Variants in KCNQ1 observed in about 807,000 individuals in gnomAD.
KCNQ1 encodes the protein potassium voltage-gated channel subfamily Q member 1.
In KCNQ1, 49 loss-of-function variants were observed where a neutral mutation model predicts 72.4. The observed-to-expected ratio is 0.68, with a 90% confidence interval of 0.54 to 0.86. The LOEUF is 0.86. Ranked by LOEUF, KCNQ1 falls within the 40% of genes least tolerant of loss-of-function variation. KCNQ1 has a pLI of 0.00. For synonymous variants in KCNQ1, 450 were observed against 412.6 expected, an observed-to-expected ratio of 1.09 and a Z score of -1.10; for missense variants, 790 against 945.1, an observed-to-expected ratio of 0.84 and a Z score of 2.15.
intron 15 of KCNQ1, among the ~76,000 whole-genome samples, chr11:2,841,645 C>G (rs1332188536): frequency 1.3e-5 from 2 of 152,242 alleles, no homozygotes; most frequent in Non-Finnish European, 2.9e-5. Flanking sequence ...GGCCTGCAGG[C>G]CTTGGAGCCC....
chr11:2,485,163 G>A (rs1343221813), intron 1 of KCNQ1, among the ~76,000 whole-genome samples: 1 of 152,184 alleles, frequency 6.6e-6, no homozygotes, highest in Non-Finnish European at 1.5e-5. Flanking sequence ...TCATTCATCT[G>A]TGACATGTTT....
intron 15 of KCNQ1, among the ~76,000 whole-genome samples, chr11:2,812,269 C>T (rs972835479): frequency 6.6e-6 from 1 of 152,160 alleles, no homozygotes; most frequent in Non-Finnish European, 1.5e-5. Context: ...CCTCAAAGTC[C>T]TCCCCTCCCT....
chr11:2,840,218 T>C, intron 15 of KCNQ1: 1 of 151,960 alleles, frequency 6.6e-6, no homozygotes, highest in Middle Eastern at 2.9e-3. Context: ...AGCAGATCAT[T>C]GTAAAGGTCT....
At chr11:2,721,385 G>A (rs1049873704) in intron 11 of KCNQ1, among the ~76,000 whole-genome samples, 1 of 152,192 alleles carries the variant, frequency 6.6e-6, no homozygotes, top group Non-Finnish European at 1.5e-5. Context: ...GCGCTTTGTA[G>A]CGAGGCCGCT....
At chr11:2,744,693 G>A (rs936809840) in intron 11 of KCNQ1, among the ~76,000 whole-genome samples, 11 of 152,184 alleles carry the variant, frequency 7.2e-5, no homozygotes, top group Admixed American at 2.6e-4. Flanking sequence ...CTAAATTACG[G>A]TGTACCGAAT....
At chr11:2,789,966 C>T (rs1344493067) in intron 15 of KCNQ1, among the ~76,000 whole-genome samples, 2 of 152,176 alleles carry the variant, frequency 1.3e-5, no homozygotes, top group African/African-American at 4.8e-5. Flanking sequence ...CACCCATCCT[C>T]GGATAGGTTG....
intron 11 of KCNQ1, among the ~76,000 whole-genome samples, chr11:2,738,483 A>G (rs1396373764): frequency 6.6e-6 from 1 of 152,002 alleles, no homozygotes. Context: ...GCTTCTGCTC[A>G]CCTCTGCTGG....
In KCNQ1 at chr11:2,750,281, G is replaced by A. The variant is rs529378416; in HGVS notation, c.1515-18563G>A. On this transcript the variant is annotated intron_variant, in intron 11 of 15. Coordinates refer to ENST00000155840, the MANE Select transcript of KCNQ1 (RefSeq NM_000218.3). The surrounding 1 kb of genome is among the most constrained non-coding windows in gnomAD (Gnocchi z 6.3). ...AGGACGACAGAGCCCTCAGCCCAGG[G>A]CGGAGGACATGGGAGACGGGGGTAT... 5.6e-4 allele frequency among the ~76,000 whole-genome samples: 86 copies of A among 152,304 alleles called. No individual in the cohort carries two copies. The highest frequency in any genetic ancestry group is 1.0e-3 in the Non-Finnish European group (71 of 68,020).
chr11:2,496,810 A>G (rs911630175), intron 1 of KCNQ1, among the ~76,000 whole-genome samples: 1 of 152,048 alleles, frequency 6.6e-6, no homozygotes, highest in Admixed American at 6.5e-5. Flanking sequence ...GTGGTTTTGC[A>G]GTGGCTGATA....
At position 2,750,257 on chromosome 11, in the gene KCNQ1, G is replaced by A. The variant is rs963102705; in HGVS notation, c.1515-18587G>A. On this transcript the variant is annotated intron_variant, in intron 11 of 15. Transcript: ENST00000155840. This position sits in a 1 kb window ranked among gnomAD's most constrained non-coding sequence, Gnocchi z 6.3. Reference sequence around the variant, plus strand: ...AAGAATTGGGCCGGAGGCTGAAACAGGACGACAGAGCCCTCAGCCCAGGGC... The same window carrying A: ...AAGAATTGGGCCGGAGGCTGAAACAAGACGACAGAGCCCTCAGCCCAGGGC... Among the ~76,000 whole-genome samples, 3 of 152,206 alleles carry A rather than the reference G, an allele frequency of 2.0e-5. No individual in the cohort carries two copies.
At chr11:2,789,002 A>G (rs1351418857) in intron 15 of KCNQ1, among the ~76,000 whole-genome samples, 2 of 152,078 alleles carry the variant, frequency 1.3e-5, no homozygotes, top group Non-Finnish European at 2.9e-5. Context: ...CAGACCTGGC[A>G]TTCTCACAGC....
At chr11:2,756,951 T>TAAAAAAAAAAAAAAAAAAAAAAAAAA (rs58284663) in intron 11 of KCNQ1, among the ~76,000 whole-genome samples, 1 of 50,996 alleles carries the variant, frequency 2.0e-5, no homozygotes, top group Non-Finnish European at 3.6e-5. Context: ...AAGAGCATCT[T>TAAAAAAAAAAAAAAAAAAAAAAAAAA]AAAAAAAAAA....
chr11:2,586,910 C>T (rs969441015), intron 8 of KCNQ1, among the ~76,000 whole-genome samples: 6 of 152,304 alleles, frequency 3.9e-5, no homozygotes, highest in African/African-American at 1.4e-4. Context: ...CTGGACGCTG[C>T]ACAACTGCTC....
At chr11:2,582,752 G>A (rs1230452526) in intron 6 of KCNQ1, among the ~76,000 whole-genome samples, 2 of 152,130 alleles carry the variant, frequency 1.3e-5, no homozygotes, top group African/African-American at 2.4e-5. Context: ...CAGCCTGCAC[G>A]GACCAGGCCC....
chr11:2,835,136 C>T, intron 15 of KCNQ1, among the ~76,000 whole-genome samples: 1 of 152,182 alleles, frequency 6.6e-6, no homozygotes, highest in Non-Finnish European at 1.5e-5. Context: ...TGCAAACCGG[C>T]CCTGGCTGAG....
At chr11:2,558,429 G>A (rs900562942) in intron 2 of KCNQ1, among the ~76,000 whole-genome samples, 3 of 152,314 alleles carry the variant, frequency 2.0e-5, no homozygotes, top group East Asian at 1.9e-4. Flanking sequence ...TCCAGGCGGG[G>A]GGGTCCACAT....
chr11:2,549,606 G>A lies in KCNQ1; in HGVS notation c.478-21022G>A, dbSNP rs1484663395. Among the ~76,000 whole-genome samples the A allele has an allele frequency of 2.7e-5, 4 of 150,932 alleles. No individual in the cohort carries two copies. Among genetic ancestry groups the A allele is most frequent in the African/African-American group, 9.8e-5 (4 of 40,682 alleles). On this transcript the variant is annotated intron_variant, in intron 2 of 15. Transcript: ENST00000155840. The surrounding 1 kb of genome is among the most constrained non-coding windows in gnomAD (Gnocchi z 6.2). ...ATAGCACAGCTGGGACACTTCCAGT[G>A]ACTGCTCTGCGAGGCCCGGGGTAGG...
At chr11:2,667,872 C>A in intron 11 of KCNQ1, 1 of 398,642 alleles carries the variant, frequency 2.5e-6, no homozygotes, top group Middle Eastern at 6.3e-4. Context: ...CAGATTAGTA[C>A]ACAGGTCTCA....
In KCNQ1 at chr11:2,724,709, G is replaced by T. The variant is rs1845727042; in HGVS notation, c.1515-44135G>T. The stretch of plus-strand genomic sequence containing the variant: ...TTGTCCTGGGCTCACAGAGGAGGAC[G>T]TGGGGACCTGCCCAAGGAGACACAG... On this transcript the variant is annotated intron_variant, in intron 11 of 15. Transcript: ENST00000155840. The surrounding 1 kb of genome is among the most constrained non-coding windows in gnomAD (Gnocchi z 6.8). Among the ~76,000 whole-genome samples the T allele has an allele frequency of 6.6e-6, 1 of 152,210 alleles. No individual in the cohort carries two copies. The highest frequency in any genetic ancestry group is 2.4e-5 in the African/African-American group (1 of 41,452).
Sources: allele counts gnomAD v4.1 joint callset (sites outside exome capture counted in the v4.1 genomes callset), GRCh38; gene constraint gnomAD v4.1.1; non-coding constraint Gnocchi (gnomAD v3.1); transcripts MANE v1.5; gene names NCBI Gene and HGNC (gene_info 2026-07-23, HGNC 2026-07-21).